ESRP1: variants seen among roughly 807,000 people sequenced by gnomAD.
ESRP1 encodes RNA-binding motif protein 35A.
A neutral mutation model predicts 81.7 loss-of-function variants in ESRP1; 33 were observed. That is an observed-to-expected ratio of 0.40 (90% CI 0.31 to 0.54). The LOEUF is 0.54. ESRP1 is among the 20% of genes least tolerant of loss of function. ESRP1 has a pLI of 0.41. For missense variants in ESRP1, 672 were observed against 833.1 expected (o/e 0.81, Z 2.38); for synonymous variants, 320 against 303.3 (o/e 1.06, Z -0.57).
At chr8:94,658,619 A>T (rs532531536) in intron 4 of ESRP1, among the ~76,000 whole-genome samples, 1 of 152,144 alleles carries the variant, frequency 6.6e-6, no homozygotes, top group Non-Finnish European at 1.5e-5. Flanking sequence ...TTAATAGATG[A>T]GAGGAAAGCT....
intron 13 of ESRP1, chr8:94,688,556 C>A (rs980664141): frequency 9.5e-6 from 2 of 209,820 alleles, no homozygotes; most frequent in Admixed American, 4.7e-5. Context: ...GCATCACAGA[C>A]CATGAAGAAG....
chr8:94,643,369 G>A lies in ESRP1; in HGVS notation c.328G>A (p.Gly110Arg). The change falls in exon 3 of 16, where the codon GGG (glycine) becomes AGG (arginine). Residue 110 changes from glycine (G) to arginine (R), a missense_variant. Physicochemically the swap from Gly to Arg is moderately radical, Grantham distance 125. Transcript: ENST00000433389. ...VGTSFCLCTD[G>R]QLHVRQILHP... Reference sequence around the variant, plus strand: ...GACTTCCTTCTGTCTCTGTACTGATGGGCAGCTTCATGTCAGGCAAATCCT... The same window carrying A: ...GACTTCCTTCTGTCTCTGTACTGATAGGCAGCTTCATGTCAGGCAAATCCT... 1 of 1,613,778 alleles carries A rather than the reference G, an allele frequency of 6.2e-7. No individual in the cohort carries two copies. The highest frequency in any genetic ancestry group is 8.5e-7 in the Non-Finnish European group (1 of 1,179,702).
intron 10 of ESRP1, among the ~76,000 whole-genome samples, chr8:94,669,874 C>CAAAAAAA (rs1263306176): frequency 2.2e-5 from 2 of 89,640 alleles, no homozygotes; most frequent in Non-Finnish European, 4.5e-5. Flanking sequence ...CTCCCGCTAC[C>CAAAAAAA]AAAAAAAAAA....
At position 94,662,305 on chromosome 8, in the gene ESRP1, G is replaced by A. The variant is rs769966537; in HGVS notation, c.524G>A (p.Arg175Gln). 7.6e-6 allele frequency: 12 copies of A among 1,582,484 alleles called. No individual in the cohort carries two copies. Among genetic ancestry groups the A allele is most frequent in the African/African-American group, 6.7e-5 (5 of 74,628 alleles). ...LNFEKSSSVSRYGASQVEDMG... is the reference protein window; with the variant it reads ...LNFEKSSSVSQYGASQVEDMG... ...TTTGAGAAGAGTAGTTCAGTCTCTC[G>A]ATATGGAGCCTCTCAAGTTGAAGAT... The change falls in exon 5 of 16, where the codon CGA (arginine) becomes CAA (glutamine). Residue 175 changes from arginine (R) to glutamine (Q), a missense_variant. By Grantham distance (43) the Arg-to-Gln change is conservative. Coordinates refer to ENST00000433389, the MANE Select transcript of ESRP1 (RefSeq NM_017697.4).
chr8:94,668,076 T>G lies in ESRP1; in HGVS notation c.1059T>G (p.Thr353=), dbSNP rs1388035373. 2 of 1,613,982 alleles carry G rather than the reference T, an allele frequency of 1.2e-6. No homozygotes were observed. Among genetic ancestry groups the G allele is most frequent in the Non-Finnish European group, 1.7e-6 (2 of 1,179,890 alleles). ...VAFFGQHCPI[T]GGKEGILFVT... The stretch of plus-strand genomic sequence containing the variant: ...TCTTTGGACAGCATTGCCCTATTAC[T>G]GGGGGAAAGGAAGGCATCCTCTTTG... The change falls in exon 10 of 16, where the codon ACT becomes ACG. Residue 353 remains threonine, a synonymous_variant. Coordinates refer to ENST00000433389, the MANE Select transcript of ESRP1 (RefSeq NM_017697.4).
intron 9 of ESRP1, among the ~76,000 whole-genome samples, chr8:94,665,772 G>A (rs887844386): frequency 1.3e-5 from 2 of 152,172 alleles, no homozygotes; most frequent in African/African-American, 2.4e-5. Flanking sequence ...GGGATTACAG[G>A]CCTGAGCCCC....
intron 15 of ESRP1, 188 bp from the exon 16 acceptor site, chr8:94,705,737 G>A (rs1810044070): frequency 3.5e-6 from 2 of 577,078 alleles, no homozygotes; most frequent in Non-Finnish European, 6.1e-6. Context: ...CTTGGCTAGT[G>A]CTGTACTCCC....
At chr8:94,665,545 G>A (rs1818975729) in intron 9 of ESRP1, among the ~76,000 whole-genome samples, 1 of 152,140 alleles carries the variant, frequency 6.6e-6, no homozygotes, top group Admixed American at 6.5e-5. Context: ...AAACTGGAGT[G>A]CGGTGGCACA....
intron 4 of ESRP1, among the ~76,000 whole-genome samples, chr8:94,647,482 G>T (rs1441823399): frequency 6.6e-6 from 1 of 152,176 alleles, no homozygotes; most frequent in African/African-American, 2.4e-5. Flanking sequence ...CAAGATCAGG[G>T]TGTCAGCATG....
chr8:94,641,384 G>T lies in ESRP1; in HGVS notation c.66G>T (p.Lys22Asn). 6.2e-7 allele frequency: 1 copy of T among 1,613,964 alleles called. No homozygotes were observed. The highest frequency in any genetic ancestry group is 8.5e-7 in the Non-Finnish European group (1 of 1,179,882). ...TCACTGCTGGGGCCACCGGGGCCAA[G>T]CTAGGCTCGGATGAGAAGGAGTTGA... The part of the protein sequence containing the change: ...FGITAGATGA[K>N]LGSDEKELIL... The change falls in exon 1 of 16, where the codon AAG becomes AAT. Residue 22 changes from lysine (K) to asparagine (N), a missense_variant. Physicochemically the swap from Lys to Asn is moderately conservative, Grantham distance 94. Transcript: ENST00000433389.
chr8:94,647,961 T>C (rs1407252429), intron 4 of ESRP1, among the ~76,000 whole-genome samples: 4 of 152,052 alleles, frequency 2.6e-5, no homozygotes, highest in African/African-American at 9.7e-5. Context: ...TGGGCATTAT[T>C]GCGAGAACCC....
chr8:94,690,852 G>A (rs989595608), intron 13 of ESRP1, among the ~76,000 whole-genome samples: 3 of 152,134 alleles, frequency 2.0e-5, no homozygotes, highest in Non-Finnish European at 2.9e-5. Context: ...CAGAAGTCCC[G>A]ATGGTCTTTG....
chr8:94,682,932 A>ATTGTTTTTTT (rs1808974947), intron 13 of ESRP1, among the ~76,000 whole-genome samples: 1 of 18,092 alleles, frequency 5.5e-5, no homozygotes, highest in Non-Finnish European at 8.2e-5. Context: ...ATATATATAT[A>ATTGTTTTTTT]TTTTTTTTTT....
chr8:94,652,938 C>A (rs1351938788), intron 4 of ESRP1, among the ~76,000 whole-genome samples: 5 of 152,176 alleles, frequency 3.3e-5, no homozygotes, highest in African/African-American at 4.8e-5. Context: ...AGAATGTATA[C>A]AATCATTTGA....
chr8:94,654,848 T>C (rs1187887057), intron 4 of ESRP1, among the ~76,000 whole-genome samples: 3 of 151,798 alleles, frequency 2.0e-5, no homozygotes, highest in Non-Finnish European at 4.4e-5. Context: ...GGAGGATCAC[T>C]TGAGCCCAGG....
At chr8:94,650,137 T>C (rs150703101) in intron 4 of ESRP1, among the ~76,000 whole-genome samples, 103 of 152,342 alleles carry the variant, frequency 6.8e-4, no homozygotes, top group Non-Finnish European at 1.2e-3. Flanking sequence ...ATAGTTTACA[T>C]TGGGGTTTAC....
chr8:94,682,942 T>A (rs1173279725), intron 13 of ESRP1, among the ~76,000 whole-genome samples: 21 of 81,672 alleles, frequency 2.6e-4, no homozygotes, highest in African/African-American at 4.5e-4. Flanking sequence ...ATTTTTTTTT[T>A]TTTTTTTTTT....
At chr8:94,641,720 A>G in intron 1 of ESRP1, 1 of 586,424 alleles carries the variant, frequency 1.7e-6, no homozygotes, top group Non-Finnish European at 2.6e-6. Context: ...CTCCGCCGAG[A>G]CGAGGTGGGG....
At chr8:94,693,620 C>T (rs1006940231) in intron 14 of ESRP1, among the ~76,000 whole-genome samples, 8 of 152,140 alleles carry the variant, frequency 5.3e-5, no homozygotes, top group African/African-American at 1.9e-4. Flanking sequence ...CAAAAATTGT[C>T]CTCTTTCCTC....
Sources: allele counts gnomAD v4.1 joint callset (sites outside exome capture counted in the v4.1 genomes callset), GRCh38; gene constraint gnomAD v4.1.1; transcripts MANE v1.5; gene names NCBI Gene and HGNC (gene_info 2026-07-23, HGNC 2026-07-21).